DNM3: variants seen among roughly 807,000 people sequenced by gnomAD.
DNM3 encodes dynamin 3, also known as dynamin-3.
DNM3 carries 47 observed loss-of-function variants against 101.6 expected under a neutral mutation model. The ratio of observed to expected loss-of-function variants is 0.46; its 90% CI spans 0.37 to 0.59. The LOEUF is 0.59. Among genes scored for constraint, DNM3 ranks in the 20% least tolerant of loss-of-function variants. The pLI, the probability that DNM3 is intolerant of heterozygous loss-of-function variation, is 0.00. For missense variants in DNM3, 849 were observed against 1,085.7 expected, an observed-to-expected ratio of 0.78 and a Z score of 3.06; for synonymous variants, 385 against 387.9, an observed-to-expected ratio of 0.99 and a Z score of 0.09.
intron 14 of DNM3, among the ~76,000 whole-genome samples, chr1:172,252,289 A>G (rs2062203170): frequency 6.6e-6 from 1 of 152,040 alleles, no homozygotes; most frequent in South Asian, 2.1e-4. Context: ...GCTCTGCCCA[A>G]CTTTTTTCTG....
intron 14 of DNM3, among the ~76,000 whole-genome samples, chr1:172,165,294 A>T (rs1010678612): frequency 2.0e-5 from 3 of 151,670 alleles, no homozygotes; most frequent in African/African-American, 7.3e-5. Context: ...GAACAAAATG[A>T]CAATCTCTTT....
chr1:172,322,721 A>C (rs2065775259), intron 16 of DNM3, among the ~76,000 whole-genome samples: 2 of 152,090 alleles, frequency 1.3e-5, no homozygotes, highest in Admixed American at 6.5e-5. Flanking sequence ...AAAACTCATA[A>C]TTTACAAAAT....
At position 172,296,490 on chromosome 1, in the gene DNM3, T is replaced by C. The variant is rs1253729765; in HGVS notation, c.1770-12238T>C. Among the ~76,000 whole-genome samples the C allele has an allele frequency of 2.0e-5, 3 of 152,314 alleles. No individual in the cohort carries two copies. In the East Asian group the frequency reaches 5.8e-4, roughly 29 times the overall value. ...CGATACTCTCAAAACAACCCTCCTA[T>C]GTCTAGGGCTTCATCAGTGTTTCAC... On this transcript the variant is annotated intron_variant, in intron 15 of 20. Transcript: ENST00000627582.
chr1:172,319,333 G>A (rs1344368436), intron 16 of DNM3, among the ~76,000 whole-genome samples: 57 of 151,986 alleles, frequency 3.8e-4, no homozygotes, highest in Non-Finnish European at 7.7e-4. Context: ...CATGGGCAAG[G>A]ACTTCATGTC....
intron 14 of DNM3, among the ~76,000 whole-genome samples, chr1:172,243,230 A>T (rs6676836): frequency 0.17 from 25,178 of 152,172 alleles, 2,431 homozygotes; most frequent in East Asian, 0.24. Context: ...ATATAAATAT[A>T]TGAGAACAAA....
chr1:171,969,280 G>A lies in DNM3; in HGVS notation c.236-18376G>A, dbSNP rs114577766. 2.4e-3 allele frequency among the ~76,000 whole-genome samples: 364 copies of A among 152,322 alleles called. 7 individuals are homozygous for A. The highest frequency in any genetic ancestry group is 7.8e-3 in the African/African-American group (326 of 41,578). On this transcript the variant is annotated intron_variant, in intron 2 of 20. Coordinates refer to ENST00000627582, the MANE Select transcript of DNM3 (RefSeq NM_015569.5). ...CTCAAAGAAGGGCCACATGGTTGAT[G>A]CTAAAGTACCCTCTTCACTGGGTTA...
At chr1:172,269,617 A>G (rs1054037606) in intron 15 of DNM3, among the ~76,000 whole-genome samples, 7 of 152,226 alleles carry the variant, frequency 4.6e-5, no homozygotes, top group Non-Finnish European at 1.0e-4. Context: ...GAAAGCTATT[A>G]GTCACTCTGA....
At chr1:172,076,816 G>T (rs1005709004) in intron 11 of DNM3, among the ~76,000 whole-genome samples, 1 of 152,186 alleles carries the variant, frequency 6.6e-6, no homozygotes, top group African/African-American at 2.4e-5. Context: ...GTATTAGGAT[G>T]ACGTTGGCAT....
rs375285906 is a variant in DNM3 at position 172,239,340 on chromosome 1, T to C, written c.1660-14233T>C. 3.9e-4 allele frequency among the ~76,000 whole-genome samples: 60 copies of C among 152,288 alleles called. 1 individual carries two copies. The South Asian group carries it at 0.012, about 31-fold the overall frequency. The stretch of plus-strand genomic sequence containing the variant: ...TGAAGAGAGAACACCATACTGTGTT[T>C]ATGGGTGGGAAGATGGCTAGAAAAT... On this transcript the variant is annotated intron_variant, in intron 14 of 20. Transcript: ENST00000627582.
intron 14 of DNM3, among the ~76,000 whole-genome samples, chr1:172,242,432 C>A (rs973935753): frequency 6.6e-6 from 1 of 152,056 alleles, no homozygotes. Flanking sequence ...CCTGTGCCAA[C>A]AATTGTCTTG....
intron 1 of DNM3, among the ~76,000 whole-genome samples, chr1:171,850,280 A>G (rs2032774315): frequency 6.6e-6 from 1 of 152,194 alleles, no homozygotes; most frequent in Non-Finnish European, 1.5e-5. Flanking sequence ...TTTGATTGAC[A>G]TTCCCATAAC....
At chr1:172,023,809 G>A (rs1250485744) in intron 4 of DNM3, among the ~76,000 whole-genome samples, 1 of 147,260 alleles carries the variant, frequency 6.8e-6, no homozygotes, top group Non-Finnish European at 1.5e-5. Context: ...TTCAAATATC[G>A]AATCTTCTGG....
intron 1 of DNM3, among the ~76,000 whole-genome samples, chr1:171,865,717 A>G (rs1235158671): frequency 2.0e-5 from 3 of 152,174 alleles, no homozygotes; most frequent in African/African-American, 7.2e-5. Flanking sequence ...TTCGAGGATT[A>G]AGAAACATTT....
chr1:172,146,202 CT>C (rs1053782657), intron 14 of DNM3, among the ~76,000 whole-genome samples: 1 of 152,158 alleles, frequency 6.6e-6, no homozygotes, highest in African/African-American at 2.4e-5. Context: ...AAATATATCT[CT>C]TTTTTATACG....
chr1:172,229,566 T>C (rs1248656497), intron 14 of DNM3, among the ~76,000 whole-genome samples: 1 of 152,198 alleles, frequency 6.6e-6, no homozygotes, highest in Non-Finnish European at 1.5e-5. Context: ...TAATAATCAT[T>C]AGATCTATCC....
chr1:172,000,872 CAAT>C (rs1360304572), intron 4 of DNM3, among the ~76,000 whole-genome samples: 2 of 152,020 alleles, frequency 1.3e-5, no homozygotes, highest in East Asian at 3.9e-4. Flanking sequence ...GAAACACTAA[CAAT>C]AGTAGTGTAA....
In DNM3 at chr1:171,963,024, C is replaced by G. The variant is rs559095950; in HGVS notation, c.236-24632C>G. ...ATATCCTTAACATATTATCCAGCAT[C>G]CTTACCTTGCCATTTACTCAAGTGC... is the stretch of plus-strand genomic sequence containing the variant. On this transcript the variant is annotated intron_variant, in intron 2 of 20. Coordinates refer to ENST00000627582, the MANE Select transcript of DNM3 (RefSeq NM_015569.5). Among the ~76,000 whole-genome samples, 333 of 152,228 alleles carry G rather than the reference C, an allele frequency of 2.2e-3. 3 individuals carry two copies. The highest frequency in any genetic ancestry group is 4.4e-3 in the South Asian group (21 of 4,814).
intron 17 of DNM3, chr1:172,370,259 T>A (rs1280542211): frequency 6.6e-6 from 1 of 151,952 alleles, no homozygotes; most frequent in Non-Finnish European, 1.5e-5. Flanking sequence ...TATACTTCAA[T>A]TGGACAGTGC....
chr1:172,263,605 A>G (rs952504672), intron 15 of DNM3, among the ~76,000 whole-genome samples: 3 of 152,332 alleles, frequency 2.0e-5, no homozygotes, highest in Non-Finnish European at 4.4e-5. Flanking sequence ...GGTGGCAGGC[A>G]AGAGAGTATG....
Sources: allele counts gnomAD v4.1 joint callset (sites outside exome capture counted in the v4.1 genomes callset), GRCh38; gene constraint gnomAD v4.1.1; transcripts MANE v1.5; gene names NCBI Gene and HGNC (gene_info 2026-07-23, HGNC 2026-07-21).